ABTB2: variants seen among roughly 807,000 people sequenced by gnomAD.
The protein encoded by ABTB2 is ankyrin repeat and BTB domain containing 2, also known as ankyrin repeat and BTB/POZ domain-containing protein 2.
In ABTB2, 56 loss-of-function variants were observed where a neutral mutation model predicts 104.1. The ratio of observed to expected loss-of-function variants is 0.54; its 90% confidence interval spans 0.43 to 0.67. ABTB2 has a LOEUF of 0.67. ABTB2 is among the 30% of genes least tolerant of loss of function. The pLI is 0.00. For missense variants in ABTB2, 1,279 were observed against 1,407.7 expected (o/e 0.91, Z 1.46); for synonymous variants, 606 against 608.2 (o/e 1.00, Z 0.05).
At chr11:34,341,669 T>C (rs1481635000) in intron 1 of ABTB2, among the ~76,000 whole-genome samples, 1 of 152,180 alleles carries the variant, frequency 6.6e-6, no homozygotes, top group East Asian at 1.9e-4. Context: ...GGCTGCCGTA[T>C]TGAACAGAGC....
Position 34,204,539 on chromosome 11 carries a change from C to G in ABTB2, c.1030+5G>C, listed in dbSNP as rs1171393512. The G allele has an allele frequency of 1.9e-6, 3 of 1,602,832 alleles. No individual in the cohort carries two copies. The highest frequency in any genetic ancestry group is 2.7e-5 in the African/African-American group (2 of 74,734). On this transcript the variant is annotated splice_donor_5th_base_variant and intron_variant, in intron 2 of 16. Transcript: ENST00000435224. ...CATCCAGCTAGACACTGAGGCCACA[C>G]TTACTCAGCTCCGAGATGCTGCCCA...
At position 34,204,673 on chromosome 11, in the gene ABTB2, C is replaced by T. The variant is rs1337694400; in HGVS notation, c.901G>A (p.Ala301Thr). The T allele has an allele frequency of 2.1e-5, 34 of 1,612,930 alleles. No homozygotes were observed. Among genetic ancestry groups the T allele is most frequent in the Middle Eastern group, 3.3e-4 (2 of 6,082 alleles). ...KNANGVLSLP[A>T]YFSPYNGGSL... ...CCGCCGTTGTAGGGGCTGAAGTATG[C>T]GGGGAGGGAGAGGACACCTATGGGG... The change falls in exon 2 of 17, where the codon GCA becomes ACA. Residue 301 changes from alanine (A) to threonine (T), a missense_variant. Transcript: ENST00000435224.
rs1222026286 is a variant in ABTB2, at chr11:34,250,985, T to C, written c.884-46295A>G. 2.0e-5 allele frequency among the ~76,000 whole-genome samples: 3 copies of C among 152,252 alleles called. No homozygotes were observed. The East Asian group carries it at 5.8e-4, about 29-fold the overall frequency. Reference sequence around the variant, plus strand: ...AAAGCAAGACTCACATCCAGGTCTGTCTGCCATCAAACATGTGTTTTTACC... The same window carrying C: ...AAAGCAAGACTCACATCCAGGTCTGCCTGCCATCAAACATGTGTTTTTACC... On this transcript the variant is annotated intron_variant, in intron 1 of 16. Transcript: ENST00000435224.
At chr11:34,313,905 C>T (rs895805011) in intron 1 of ABTB2, among the ~76,000 whole-genome samples, 11 of 152,196 alleles carry the variant, frequency 7.2e-5, no homozygotes, top group African/African-American at 2.4e-4. Context: ...AAGGGACTTG[C>T]CCCAGCACTG....
chr11:34,323,189 G>C (rs572753183), intron 1 of ABTB2, among the ~76,000 whole-genome samples: 14 of 152,280 alleles, frequency 9.2e-5, no homozygotes, highest in Admixed American at 3.3e-4. Flanking sequence ...TTACAGGCGT[G>C]AGTCACTGCG....
chr11:34,262,452 C>T (rs1215249075), intron 1 of ABTB2, among the ~76,000 whole-genome samples: 4 of 152,100 alleles, frequency 2.6e-5, no homozygotes, highest in South Asian at 2.1e-4. Context: ...TCAGATCCAG[C>T]GGAACTAGAC....
chr11:34,291,794 C>A (rs923656920), intron 1 of ABTB2, among the ~76,000 whole-genome samples: 2 of 152,140 alleles, frequency 1.3e-5, no homozygotes, highest in African/African-American at 2.4e-5. Flanking sequence ...CCACGCCCGG[C>A]CTGATATGTT....
intron 1 of ABTB2, among the ~76,000 whole-genome samples, chr11:34,351,213 T>C (rs900252893): frequency 1.3e-5 from 2 of 152,194 alleles, no homozygotes; most frequent in African/African-American, 2.4e-5. Flanking sequence ...CTTGGTTCAG[T>C]CCTCAGACTG....
Position 34,164,728 on chromosome 11 carries a change from T to G in ABTB2, c.1946A>C (p.Glu649Ala). The change falls in exon 9 of 17, where the codon GAG (glutamate) becomes GCG (alanine). Residue 649 changes from glutamate to alanine, a missense_variant. Coordinates refer to ENST00000435224, the MANE Select transcript of ABTB2 (RefSeq NM_145804.3). The stretch of plus-strand genomic sequence containing the variant: ...TGAGTGGCTGAAGCAGTTCATGTCC[T>G]CGTGGAGGGAGGAGCCCATGCCGTG... ...EAHGMGSSLH[E>A]DMNCFSHSAA... 1 of 1,552,730 alleles carries G rather than the reference T, an allele frequency of 6.4e-7. No homozygotes were observed. Among genetic ancestry groups the G allele is most frequent in the African/African-American group, 1.4e-5 (1 of 70,380 alleles).
chr11:34,301,648 A>T (rs544812557), intron 1 of ABTB2, among the ~76,000 whole-genome samples: 1 of 152,188 alleles, frequency 6.6e-6, no homozygotes, highest in African/African-American at 2.4e-5. Flanking sequence ...TCAAAACTTC[A>T]GTTTCCTCTT....
intron 14 of ABTB2, among the ~76,000 whole-genome samples, chr11:34,156,681 C>T (rs1051878500): frequency 3.9e-5 from 6 of 152,068 alleles, no homozygotes; most frequent in East Asian, 1.9e-4. Flanking sequence ...TGCACCACCA[C>T]GCCCAGCTAA....
rs112655332 is a variant in ABTB2 at position 34,225,469 on chromosome 11, G to C, written c.884-20779C>G. Among the ~76,000 whole-genome samples, 1,320 of 152,240 alleles carry C rather than the reference G, an allele frequency of 8.7e-3. 14 individuals are homozygous for C. The highest frequency in any genetic ancestry group is 0.03 in the African/African-American group (1,246 of 41,526). Reference sequence around the variant, plus strand: ...CCTCTTCCCTTCCCTTAAAAAGAAAGAGCTAGCCAGGCGCGGTGGCTCATG... The same window carrying C: ...CCTCTTCCCTTCCCTTAAAAAGAAACAGCTAGCCAGGCGCGGTGGCTCATG... On this transcript the variant is annotated intron_variant, in intron 1 of 16. Coordinates refer to ENST00000435224, the MANE Select transcript of ABTB2 (RefSeq NM_145804.3).
intron 1 of ABTB2, among the ~76,000 whole-genome samples, chr11:34,336,807 C>T (rs1855197669): frequency 6.6e-6 from 1 of 152,014 alleles, no homozygotes; most frequent in Admixed American, 6.6e-5. Flanking sequence ...CAAAGATAAC[C>T]CCCAAACTGG....
At chr11:34,245,902 T>C (rs1853978112) in intron 1 of ABTB2, among the ~76,000 whole-genome samples, 1 of 152,134 alleles carries the variant, frequency 6.6e-6, no homozygotes, top group Admixed American at 6.5e-5. Context: ...GTAAACTGAG[T>C]AATAAACCCA....
chr11:34,276,455 C>T (rs557291262), intron 1 of ABTB2, among the ~76,000 whole-genome samples: 1 of 152,274 alleles, frequency 6.6e-6, no homozygotes, highest in African/African-American at 2.4e-5. Flanking sequence ...TCCTAAAATC[C>T]TACTTGGCTG....
At chr11:34,270,490 C>A (rs1854301464) in intron 1 of ABTB2, among the ~76,000 whole-genome samples, 3 of 152,262 alleles carry the variant, frequency 2.0e-5, no homozygotes, top group Middle Eastern at 3.4e-3. Context: ...TAGGCACCTA[C>A]CACCACACCT....
intron 1 of ABTB2, among the ~76,000 whole-genome samples, chr11:34,225,372 G>A (rs1023979530): frequency 6.6e-6 from 1 of 152,238 alleles, no homozygotes; most frequent in Non-Finnish European, 1.5e-5. Context: ...GAAGTCGCCA[G>A]CTGTAAACAA....
chr11:34,335,114 C>T (rs1254345923), intron 1 of ABTB2: 2 of 1,180,472 alleles, frequency 1.7e-6, no homozygotes, highest in South Asian at 1.2e-5. Context: ...GACATTTCCG[C>T]TAATTTCCAC....
At chr11:34,324,470 G>T (rs1217743617) in intron 1 of ABTB2, among the ~76,000 whole-genome samples, 1 of 152,132 alleles carries the variant, frequency 6.6e-6, no homozygotes, top group Non-Finnish European at 1.5e-5. Flanking sequence ...ATATCTACTT[G>T]TCATTCCCAC....
Sources: gnomAD v4.1 joint callset for allele counts (sites outside exome capture counted in the v4.1 genomes callset) on GRCh38, gnomAD v4.1.1 for gene constraint, MANE v1.5 for transcripts, NCBI Gene and HGNC (gene_info 2026-07-23, HGNC 2026-07-21) for gene names.